The following ADCK1 variants were observed in gnomAD, a reference collection of about 807,000 sequenced individuals.
ADCK1 encodes aarF domain-containing protein kinase 1.
ADCK1 carries 41 observed loss-of-function variants against 52.3 expected under a neutral mutation model. The observed-to-expected ratio is 0.78, with a 90% CI of 0.61 to 1.02. The LOEUF (loss-of-function observed/expected upper bound fraction) is 1.02, where lower values mean the gene tolerates loss of function less well. Ranked by LOEUF, ADCK1 falls within the 50% of genes least tolerant of loss-of-function variation. The probability of loss-of-function intolerance (pLI) is 0.00; values close to 1 mark genes in which losing one functional copy is unlikely to be tolerated. For synonymous variants in ADCK1, 250 were observed against 274.6 expected (o/e 0.91, Z 0.89); for missense variants, 658 against 679.5 (o/e 0.97, Z 0.35).
chr14:77,907,444 C>T (rs539531858), intron 6 of ADCK1, among the ~76,000 whole-genome samples: 37 of 152,326 alleles, frequency 2.4e-4, no homozygotes, highest in African/African-American at 8.9e-4. Flanking sequence ...GGCCTGGTGG[C>T]GGGATGGGGA....
intron 1 of ADCK1, among the ~76,000 whole-genome samples, chr14:77,800,524 G>A (rs780368205): frequency 6.6e-6 from 1 of 152,268 alleles, no homozygotes; most frequent in Non-Finnish European, 1.5e-5. Context: ...TCACCCAGAC[G>A]CCTTCACCCC....
rs987638749 is a variant in ADCK1, at chr14:77,859,379, A to T, written c.423+100A>T. 1.2e-5 allele frequency: 15 copies of T among 1,258,378 alleles called. No individual in the cohort carries two copies. The South Asian group carries it at 2.3e-4, about 20-fold the overall frequency. 78.0% of individuals were successfully genotyped at this position (1,258,378 alleles called of 1,614,324 possible). ...TCGACCAGGGTGCTGGGGATCCACC[A>T]GTGACACAAAACCAAATGTCACAGC... On this transcript the variant is annotated intron_variant, in intron 4 of 10. Transcript: ENST00000238561.
chr14:77,858,698 GA>G (rs1443994093), intron 3 of ADCK1, among the ~76,000 whole-genome samples: 2 of 152,176 alleles, frequency 1.3e-5, no homozygotes, highest in African/African-American at 4.8e-5. Context: ...TGGTATGTCT[GA>G]GGGGTGGGTG....
chr14:77,852,370 AC>A (rs2082301957), intron 3 of ADCK1, among the ~76,000 whole-genome samples: 1 of 151,552 alleles, frequency 6.6e-6, no homozygotes, highest in Non-Finnish European at 1.5e-5. Flanking sequence ...GAACTTTTAT[AC>A]CTTTATTTTT....
intron 3 of ADCK1, among the ~76,000 whole-genome samples, chr14:77,855,280 A>G (rs1187161780): frequency 6.6e-6 from 1 of 152,228 alleles, no homozygotes; most frequent in East Asian, 1.9e-4. Flanking sequence ...AAGTATGGAA[A>G]CACTAGCCCT....
chr14:77,894,737 T>C (rs1044355133), intron 5 of ADCK1, among the ~76,000 whole-genome samples: 1 of 29,144 alleles, frequency 3.4e-5, no homozygotes. Context: ...TCTTTTCTTG[T>C]TTTTTTTTTT....
At chr14:77,875,373 C>G (rs906678348) in intron 4 of ADCK1, among the ~76,000 whole-genome samples, 20 of 152,206 alleles carry the variant, frequency 1.3e-4, no homozygotes, top group South Asian at 6.2e-4. Flanking sequence ...GTTGCCTCCT[C>G]TTTCCTCAGG....
intron 7 of ADCK1, 22 bp downstream of exon 7, chr14:77,907,941 T>G: frequency 6.2e-7 from 1 of 1,606,680 alleles, no homozygotes; most frequent in Non-Finnish European, 8.5e-7. Context: ...AGCTCAGGGC[T>G]GCTGTGCCGG....
At chr14:77,831,814 A>G (rs2081856841) in intron 3 of ADCK1, among the ~76,000 whole-genome samples, 1 of 152,084 alleles carries the variant, frequency 6.6e-6, no homozygotes, top group Non-Finnish European at 1.5e-5. Flanking sequence ...AGGGACTCAA[A>G]TTTCTGGCCT....
chr14:77,816,904 T>TATATATATATATATATATATATA (rs1555346949), intron 1 of ADCK1, among the ~76,000 whole-genome samples: 5 of 64,158 alleles, frequency 7.8e-5, no homozygotes, highest in South Asian at 5.6e-4. Flanking sequence ...ATATATATAT[T>TATATATATATATATATATATATA]TAAAAAATGT....
intron 9 of ADCK1, among the ~76,000 whole-genome samples, chr14:77,929,284 G>A (rs1374223053): frequency 6.6e-6 from 1 of 152,186 alleles, no homozygotes; most frequent in East Asian, 1.9e-4. Flanking sequence ...CTGGAGATGG[G>A]TGGGTTAGCT....
At chr14:77,915,012 T>G (rs1169057310) in intron 7 of ADCK1, among the ~76,000 whole-genome samples, 1 of 152,170 alleles carries the variant, frequency 6.6e-6, no homozygotes, top group Non-Finnish European at 1.5e-5. Flanking sequence ...ATAGGACATT[T>G]GCATTTTGGC....
intron 4 of ADCK1, among the ~76,000 whole-genome samples, chr14:77,881,247 G>A (rs990468178): frequency 2.6e-5 from 4 of 152,200 alleles, no homozygotes; most frequent in African/African-American, 7.2e-5. Context: ...TTTCCAAGAC[G>A]GCTCACTGTT....
chr14:77,867,437 C>A (rs929495596), intron 4 of ADCK1, among the ~76,000 whole-genome samples: 1 of 152,162 alleles, frequency 6.6e-6, no homozygotes, highest in African/African-American at 2.4e-5. Flanking sequence ...ATAAAAAATA[C>A]ATTTGTATTA....
At chr14:77,813,801 G>A (rs2081384137) in intron 1 of ADCK1, among the ~76,000 whole-genome samples, 1 of 148,246 alleles carries the variant, frequency 6.7e-6, no homozygotes, top group Non-Finnish European at 1.5e-5. Context: ...GGAGTCTCAT[G>A]CTGTCACCCA....
At chr14:77,868,134 T>C (rs2082701807) in intron 4 of ADCK1, among the ~76,000 whole-genome samples, 1 of 152,230 alleles carries the variant, frequency 6.6e-6, no homozygotes. Context: ...GGACAAAAGT[T>C]ATCTGGGAGA....
chr14:77,802,334 G>T (rs1176416451), intron 1 of ADCK1, among the ~76,000 whole-genome samples: 5 of 152,040 alleles, frequency 3.3e-5, no homozygotes, highest in Non-Finnish European at 4.4e-5. Flanking sequence ...ATCTGGCTTT[G>T]CCCTATTCTC....
At chr14:77,832,765 G>A (rs1337638734) in intron 3 of ADCK1, among the ~76,000 whole-genome samples, 2 of 152,198 alleles carry the variant, frequency 1.3e-5, no homozygotes, top group African/African-American at 4.8e-5. Context: ...ACAACTGCCA[G>A]TTTTGAGGAT....
rs1264500869 is a variant in ADCK1 at position 77,934,964 on chromosome 14, A to T, written c.*1573A>T. Reference sequence around the variant, plus strand: ...GGATGTGTGCTGCATAGTATATTTTATGGTGTCTTTTATAGCCACTGAAGT... The same window carrying T: ...GGATGTGTGCTGCATAGTATATTTTTTGGTGTCTTTTATAGCCACTGAAGT... On this transcript the variant is annotated 3_prime_UTR_variant, in exon 11 of 11. Transcript: ENST00000238561. 1 of 152,204 alleles carries T rather than the reference A, an allele frequency of 6.6e-6. No individual in the cohort carries two copies. The allele number at this position is 152,204 out of a possible 1,614,324, so 9.4% of individuals were successfully genotyped here.
Sources: gnomAD v4.1 joint callset for allele counts (sites outside exome capture counted in the v4.1 genomes callset) on GRCh38, gnomAD v4.1.1 for gene constraint, MANE v1.5 for transcripts, NCBI Gene and HGNC (gene_info 2026-07-23, HGNC 2026-07-21) for gene names.